The following SNX33 variants were observed in gnomAD, a reference collection of about 807,000 sequenced individuals.
SNX33 encodes sorting nexin-33.
A neutral mutation model predicts 38.8 loss-of-function variants in SNX33; 19 were observed. That is an observed-to-expected ratio of 0.49 (90% CI 0.34 to 0.72). The LOEUF is 0.72. SNX33 is among the 30% of genes least tolerant of loss of function. The pLI, the probability that SNX33 is intolerant of heterozygous loss-of-function variation, is 0.01. For synonymous variants in SNX33, 246 were observed against 289.7 expected (o/e 0.85, Z 1.53); for missense variants, 641 against 776.4 (o/e 0.83, Z 2.07).
rs1227902834 is a variant in SNX33, at chr15:75,650,613, G to C, written c.1471+40G>C. On this transcript the variant is annotated intron_variant, in intron 1 of 1. Transcript: ENST00000308527. The surrounding 1 kb of genome is among the most constrained non-coding windows in gnomAD (Gnocchi z 6.1). Reference sequence around the variant, plus strand: ...AGGCAGGAAACTCGTCCTGAGTCTGGCTCTCTGCTGGGCCCTGGGGAGATG... The same window carrying C: ...AGGCAGGAAACTCGTCCTGAGTCTGCCTCTCTGCTGGGCCCTGGGGAGATG... 17 of 1,546,056 alleles carry C rather than the reference G, an allele frequency of 1.1e-5. No homozygotes were observed. Among genetic ancestry groups the C allele is most frequent in the Non-Finnish European group, 1.1e-5 (13 of 1,145,932 alleles).
Position 75,657,078 on chromosome 15 carries a change from G to C in SNX33, c.1588G>C (p.Glu530Gln). The change falls in exon 2 of 2, where the codon GAG becomes CAG. Residue 530 changes from glutamate to glutamine, a missense_variant. Glu to Gln is a conservative substitution (Grantham distance 29). Coordinates refer to ENST00000308527, the MANE Select transcript of SNX33 (RefSeq NM_153271.2). This position sits in a 1 kb window ranked among gnomAD's most constrained non-coding sequence, Gnocchi z 5.5. ...CRVVGFALQA[E>Q]MNHFHQRREL... ...CGTGGTGGGTTTCGCCCTGCAGGCC[G>C]AGATGAACCACTTCCACCAGCGCCG... 6.2e-7 allele frequency: 1 copy of C among 1,614,180 alleles called. No homozygotes were observed. The highest frequency in any genetic ancestry group is 8.5e-7 in the Non-Finnish European group (1 of 1,180,028).
intron 1 of SNX33, among the ~76,000 whole-genome samples, chr15:75,656,692 G>C (rs1173853943): frequency 6.6e-6 from 1 of 152,174 alleles, no homozygotes; most frequent in African/African-American, 2.4e-5. Flanking sequence ...TGAATTCATA[G>C]TCCATCAAGC....
At chr15:75,656,936 G>T (rs200249093) in intron 1 of SNX33, 26 bp from the exon 2 acceptor site, 2 of 1,602,366 alleles carry the variant, frequency 1.2e-6, no homozygotes, top group Non-Finnish European at 8.5e-7. Context: ...GCCCTCACAC[G>T]CTGTCCTCTG....
rs1180308107 is a variant in SNX33, at chr15:75,649,068, C to T, written c.-35C>T. 6.5e-7 allele frequency: 1 copy of T among 1,548,072 alleles called. No individual in the cohort carries two copies. The highest frequency in any genetic ancestry group is 8.7e-7 in the Non-Finnish European group (1 of 1,145,222). On this transcript the variant is annotated 5_prime_UTR_variant, in exon 1 of 2. Coordinates refer to ENST00000308527, the MANE Select transcript of SNX33 (RefSeq NM_153271.2). This position sits in a 1 kb window ranked among gnomAD's most constrained non-coding sequence, Gnocchi z 6.6. ...GCATCCCCGGTCTGGGCAGGACCCTCTCCTTCCCATCTTTCTATACCACCC... is the reference window on the plus strand; with the variant it reads ...GCATCCCCGGTCTGGGCAGGACCCTTTCCTTCCCATCTTTCTATACCACCC...
Position 75,657,314 on chromosome 15 carries a change from C to A in SNX33, c.*99C>A. ...TACCAGCAGTGACTGGGGGAGGGGT[C>A]AGCGGTGGGGGAGATAAGCGGCCTG... On this transcript the variant is annotated 3_prime_UTR_variant, in exon 2 of 2. Coordinates refer to ENST00000308527, the MANE Select transcript of SNX33 (RefSeq NM_153271.2). The surrounding 1 kb of genome is among the most constrained non-coding windows in gnomAD (Gnocchi z 5.5). 1 of 1,554,424 alleles carries A rather than the reference C, an allele frequency of 6.4e-7. No homozygotes were observed. Among genetic ancestry groups the A allele is most frequent in the Non-Finnish European group, 8.7e-7 (1 of 1,147,988 alleles).
chr15:75,657,665 A>C lies in SNX33; in HGVS notation c.*450A>C. ...CAGTGAAGGTCGGGGTCAGACACAG[A>C]CAGAGTCAATGCAGTATGACTGATG... On this transcript the variant is annotated 3_prime_UTR_variant, in exon 2 of 2. Transcript: ENST00000308527. The surrounding 1 kb of genome is among the most constrained non-coding windows in gnomAD (Gnocchi z 5.5). 4.2e-6 allele frequency: 1 copy of C among 240,108 alleles called. No individual in the cohort carries two copies. The highest frequency in any genetic ancestry group is 6.5e-5 in the South Asian group (1 of 15,408). The allele number at this position is 240,108 out of a possible 1,614,324, so 14.9% of individuals were successfully genotyped here. A position where few individuals can be genotyped will look rare whatever the true frequency, so the allele number is the denominator to read the frequency against.
Position 75,647,952 on chromosome 15 carries a change from A to T in SNX33, c.-1151A>T. 2.0e-6 allele frequency: 2 copies of T among 984,854 alleles called. No homozygotes were observed. The highest frequency in any genetic ancestry group is 2.4e-6 in the Non-Finnish European group (2 of 829,814). 61.0% of individuals were successfully genotyped at this position (984,854 alleles called of 1,614,324 possible). ...AGCTGCCTTCTCGCTGGCGGAGCGG[A>T]GGGTCTGCGAGCGCCGGGGAAGGCA... is the stretch of plus-strand genomic sequence containing the variant. On this transcript the variant is annotated 5_prime_UTR_variant, in exon 1 of 2. Transcript: ENST00000308527.
Position 75,657,065 on chromosome 15 carries a change from CGCCCTGCAG to C in SNX33, c.1579_1587del (p.Leu527_Ala529del). ...GCAGGCGCTGCCGCGTGGTGGGTTTCGCCCTGCAGGCCGAGATGAACCACTTCCACCAGC... is the reference window on the plus strand; with the variant it reads ...GCAGGCGCTGCCGCGTGGTGGGTTTCGCCGAGATGAACCACTTCCACCAGC... On this transcript the variant is annotated inframe_deletion, in exon 2 of 2. Transcript: ENST00000308527. This position sits in a 1 kb window ranked among gnomAD's most constrained non-coding sequence, Gnocchi z 5.5. The C allele has an allele frequency of 6.2e-7, 1 of 1,614,188 alleles. No individual in the cohort carries two copies. Among genetic ancestry groups the C allele is most frequent in the Non-Finnish European group, 8.5e-7 (1 of 1,180,030 alleles).
At chr15:75,654,264 A>C (rs1014112642) in intron 1 of SNX33, among the ~76,000 whole-genome samples, 9 of 152,140 alleles carry the variant, frequency 5.9e-5, no homozygotes, top group African/African-American at 2.2e-4. Context: ...CATTTTACAG[A>C]TGTGGAAACT....
rs775081813 is a variant in SNX33, at chr15:75,649,860, A to G, written c.758A>G (p.Lys253Arg). The change falls in exon 1 of 2, where the codon AAG (lysine) becomes AGG (arginine). Residue 253 changes from lysine to arginine, a missense_variant. By Grantham distance (26) the Lys-to-Arg change is conservative. This residue lies in a region of SNX33 where 398 missense variants were observed against 542.5 expected (regional missense o/e 0.73). Coordinates refer to ENST00000308527, the MANE Select transcript of SNX33 (RefSeq NM_153271.2). The surrounding 1 kb of genome is among the most constrained non-coding windows in gnomAD (Gnocchi z 6.6). ...FKGIKSYISY[K>R]LTPTHAASPV... Reference sequence around the variant, plus strand: ...GGCATCAAAAGCTACATCTCCTACAAGCTCACACCCACCCATGCTGCCTCA... The same window carrying G: ...GGCATCAAAAGCTACATCTCCTACAGGCTCACACCCACCCATGCTGCCTCA... The G allele has an allele frequency of 8.4e-5, 128 of 1,532,700 alleles. 1 individual carries two copies. In the South Asian group the frequency reaches 1.3e-3, roughly 15 times the overall value. The allele number at this position is 1,532,700 out of a possible 1,614,324, so 94.9% of individuals were successfully genotyped here. A position where few individuals can be genotyped will look rare whatever the true frequency, so the allele number is the denominator to read the frequency against.
At chr15:75,656,651 C>T (rs1170280357) in intron 1 of SNX33, among the ~76,000 whole-genome samples, 6 of 152,148 alleles carry the variant, frequency 3.9e-5, no homozygotes, top group African/African-American at 1.4e-4. Context: ...ACCAGAGACA[C>T]AGAGAGGTTG....
Position 75,657,003 on chromosome 15 carries a change from G to A in SNX33, c.1513G>A (p.Glu505Lys), listed in dbSNP as rs1464803235. 1 of 1,613,872 alleles carries A rather than the reference G, an allele frequency of 6.2e-7. No homozygotes were observed. Among genetic ancestry groups the A allele is most frequent in the Non-Finnish European group, 8.5e-7 (1 of 1,179,946 alleles). The change falls in exon 2 of 2, where the codon GAG (glutamate) becomes AAG (lysine). Residue 505 changes from glutamate (E) to lysine (K), a missense_variant. Physicochemically the swap from Glu to Lys is moderately conservative, Grantham distance 56. Transcript: ENST00000308527. This position sits in a 1 kb window ranked among gnomAD's most constrained non-coding sequence, Gnocchi z 5.5. ...KVKESQRMSD[E>K]GRMVQDEADG... Reference sequence around the variant, plus strand: ...GAAGGAGAGCCAACGCATGAGTGACGAGGGCCGCATGGTGCAGGACGAGGC... The same window carrying A: ...GAAGGAGAGCCAACGCATGAGTGACAAGGGCCGCATGGTGCAGGACGAGGC...
In SNX33 at chr15:75,650,231, C is replaced by T. The variant is rs1341858283; in HGVS notation, c.1129C>T (p.Arg377Cys). ...EHQDLQDVED[R>C]VDTFKAFSKK... is the part of the protein sequence containing the mutation. ...CCAGGACTTGCAGGACGTGGAAGAT[C>T]GCGTGGACACTTTCAAGGCCTTCAG... The change falls in exon 1 of 2, where the codon CGC (arginine) becomes TGC (cysteine). Residue 377 changes from arginine (R) to cysteine (C), a missense_variant. Physicochemically the swap from Arg to Cys is radical, Grantham distance 180. Around this residue, in one of 2 missense-constraint regions of SNX33, gnomAD observed 398 missense variants for 542.5 expected, o/e 0.73. Transcript: ENST00000308527. The surrounding 1 kb of genome is among the most constrained non-coding windows in gnomAD (Gnocchi z 6.1). 3 of 1,588,368 alleles carry T rather than the reference C, an allele frequency of 1.9e-6. No homozygotes were observed. Among genetic ancestry groups the T allele is most frequent in the South Asian group, 1.2e-5 (1 of 86,806 alleles).
chr15:75,656,057 C>A (rs1369582820), intron 1 of SNX33, among the ~76,000 whole-genome samples: 1 of 152,196 alleles, frequency 6.6e-6, no homozygotes, highest in Non-Finnish European at 1.5e-5. Flanking sequence ...CTCCACCCCC[C>A]ATCTGTCACC....
At chr15:75,652,176 G>A (rs1043363377) in intron 1 of SNX33, among the ~76,000 whole-genome samples, 3 of 152,280 alleles carry the variant, frequency 2.0e-5, no homozygotes, top group South Asian at 2.1e-4. Flanking sequence ...AAGGGAATGG[G>A]GTCCCAGTGA....
chr15:75,649,719 C>A lies in SNX33; in HGVS notation c.617C>A (p.Ala206Asp). 6.5e-7 allele frequency: 1 copy of A among 1,543,156 alleles called. No individual in the cohort carries two copies. ...AFILGDVPMM[A>D]KIAETYSIEM... ...ATCCTGGGTGATGTGCCCATGATGG[C>A]CAAGATCGCTGAGACATACTCCATT... is the stretch of plus-strand genomic sequence containing the variant. The change falls in exon 1 of 2, where the codon GCC becomes GAC. Residue 206 changes from alanine to aspartate, a missense_variant. Ala to Asp is a moderately radical substitution (Grantham distance 126). This residue lies in a region of SNX33 where 398 missense variants were observed against 542.5 expected (regional missense o/e 0.73). Transcript: ENST00000308527. The surrounding 1 kb of genome is among the most constrained non-coding windows in gnomAD (Gnocchi z 6.6).
rs1405412947 is a variant in SNX33, at chr15:75,647,950, G to T, written c.-1153G>T. 9.1e-6 allele frequency: 9 copies of T among 985,292 alleles called. No individual in the cohort carries two copies. Among genetic ancestry groups the T allele is most frequent in the African/African-American group, 5.2e-5 (3 of 57,224 alleles). The allele number at this position is 985,292 out of a possible 1,614,324, so 61.0% of individuals were successfully genotyped here. A position where few individuals can be genotyped will look rare whatever the true frequency, so the allele number is the denominator to read the frequency against. Reference sequence around the variant, plus strand: ...GGAGCTGCCTTCTCGCTGGCGGAGCGGAGGGTCTGCGAGCGCCGGGGAAGG... The same window carrying T: ...GGAGCTGCCTTCTCGCTGGCGGAGCTGAGGGTCTGCGAGCGCCGGGGAAGG... On this transcript the variant is annotated 5_prime_UTR_variant, in exon 1 of 2. Transcript: ENST00000308527.
rs569416816 is a variant in SNX33, at chr15:75,658,779, G to C, written c.*1564G>C. On this transcript the variant is annotated 3_prime_UTR_variant, in exon 2 of 2. Transcript: ENST00000308527. This position sits in a 1 kb window ranked among gnomAD's most constrained non-coding sequence, Gnocchi z 4.1. ...CACAGAACCTCAAAAGTTCAGGGGA[G>C]GGCTATGCTGGTGGAAGGTGCCAGC... The C allele has an allele frequency of 1.3e-5, 2 of 152,450 alleles. No individual in the cohort carries two copies. The highest frequency in any genetic ancestry group is 6.5e-5 in the Admixed American group (1 of 15,312). 9.4% of individuals were successfully genotyped at this position (152,450 alleles called of 1,614,324 possible). A position where few individuals can be genotyped will look rare whatever the true frequency, so the allele number is the denominator to read the frequency against.
chr15:75,651,856 G>C (rs1343017973), intron 1 of SNX33, among the ~76,000 whole-genome samples: 7 of 152,224 alleles, frequency 4.6e-5, no homozygotes, highest in Non-Finnish European at 1.0e-4. Context: ...TGAGCCTGGG[G>C]AACAGGAAAC....
Sources: gnomAD v4.1 joint callset for allele counts (sites outside exome capture counted in the v4.1 genomes callset) on GRCh38, gnomAD v4.1.1 for gene constraint, gnomAD v4.1.1 regional missense constraint, Gnocchi (gnomAD v3.1) non-coding constraint, MANE v1.5 for transcripts, NCBI Gene and HGNC (gene_info 2026-07-23, HGNC 2026-07-21) for gene names.